The following DPYD variants were observed in gnomAD, a reference collection of about 807,000 sequenced individuals.
DPYD encodes dihydropyrimidine dehydrogenase.
Under a neutral mutation model 116.2 loss-of-function variants are expected in DPYD, and 109 were observed. That is an observed-to-expected ratio of 0.94 (90% CI 0.80 to 1.10). The LOEUF is 1.10. Ranked by LOEUF, DPYD falls within the 50% of genes least tolerant of loss-of-function variation. The probability of loss-of-function intolerance (pLI) is 0.00; values close to 1 mark genes in which losing one functional copy is unlikely to be tolerated. For synonymous variants in DPYD, 440 were observed against 432.0 expected, an observed-to-expected ratio of 1.02 and a Z score of -0.23; for missense variants, 1,302 against 1,254.5, an observed-to-expected ratio of 1.04 and a Z score of -0.57.
At chr1:97,200,897 A>G (rs779842904) in intron 19 of DPYD, among the ~76,000 whole-genome samples, 1 of 152,146 alleles carries the variant, frequency 6.6e-6, no homozygotes, top group Non-Finnish European at 1.5e-5. Context: ...ATCGTACAGC[A>G]GTTCTAAGAG....
chr1:97,401,605 C>T (rs956583096), intron 14 of DPYD, among the ~76,000 whole-genome samples: 10 of 152,176 alleles, frequency 6.6e-5, no homozygotes, highest in Middle Eastern at 3.4e-3. Flanking sequence ...TGAGCCACTG[C>T]GCCCAGCCAG....
intron 12 of DPYD, among the ~76,000 whole-genome samples, chr1:97,538,042 G>T (rs1382879931): frequency 1.3e-5 from 2 of 150,886 alleles, no homozygotes; most frequent in Non-Finnish European, 2.9e-5. Flanking sequence ...ACTCCAGCCT[G>T]GGCAACAATA....
chr1:97,372,200 C>T (rs940360739), intron 16 of DPYD, among the ~76,000 whole-genome samples: 4 of 152,122 alleles, frequency 2.6e-5, no homozygotes, highest in African/African-American at 9.7e-5. Context: ...TTAAAACCTC[C>T]GTAGTTGTTT....
chr1:97,342,996 A>G (rs1438667205), intron 16 of DPYD, among the ~76,000 whole-genome samples: 1 of 150,236 alleles, frequency 6.7e-6, no homozygotes, highest in Non-Finnish European at 1.5e-5. Flanking sequence ...TCAGGAGAGG[A>G]AAAAAAAACA....
chr1:97,722,986 CTT>C (rs1338600862), intron 4 of DPYD, among the ~76,000 whole-genome samples: 1 of 151,204 alleles, frequency 6.6e-6, no homozygotes, highest in African/African-American at 2.4e-5. Flanking sequence ...GAATAAAAGA[CTT>C]TTAAAAATAA....
chr1:97,865,439 A>G (rs1195903710), intron 2 of DPYD, among the ~76,000 whole-genome samples: 1 of 151,956 alleles, frequency 6.6e-6, no homozygotes, highest in East Asian at 1.9e-4. Flanking sequence ...TGATTTATTC[A>G]ATACTGGGTA....
intron 1 of DPYD, among the ~76,000 whole-genome samples, chr1:97,896,940 G>A (rs1392844644): frequency 6.6e-6 from 1 of 151,768 alleles, no homozygotes; most frequent in African/African-American, 2.4e-5. Flanking sequence ...CTCTTAATGA[G>A]GTTTAAATAG....
chr1:97,549,082 T>C (rs900841828), intron 12 of DPYD, among the ~76,000 whole-genome samples: 6 of 152,094 alleles, frequency 3.9e-5, no homozygotes, highest in Admixed American at 2.0e-4. Flanking sequence ...TTTTTTTTTT[T>C]TGAGACAAGG....
At chr1:97,385,280 C>CAAAAAAA (rs567156406) in intron 14 of DPYD, among the ~76,000 whole-genome samples, 2 of 48,940 alleles carry the variant, frequency 4.1e-5, no homozygotes, top group African/African-American at 1.3e-4. Flanking sequence ...GCATTCCTTG[C>CAAAAAAA]AAAAAAAAAA....
Position 97,740,496 on chromosome 1 carries a change from C to G in DPYD, c.234-17G>C. The G allele has an allele frequency of 6.2e-7, 1 of 1,602,184 alleles. No homozygotes were observed. Among genetic ancestry groups the G allele is most frequent in the South Asian group, 1.1e-5 (1 of 90,878 alleles). ...TTCAGGCATCTAGGAAATAAAATAA[C>G]TATGTTAAGAAACTACAAGATAAGT... On this transcript the variant is annotated splice_polypyrimidine_tract_variant and intron_variant, in intron 3 of 22. Transcript: ENST00000370192.
intron 14 of DPYD, among the ~76,000 whole-genome samples, chr1:97,387,440 C>T (rs925554545): frequency 4.6e-5 from 7 of 152,066 alleles, no homozygotes; most frequent in African/African-American, 7.2e-5. Flanking sequence ...AGTCCCTGCC[C>T]TCCTGAAGCT....
chr1:97,706,400 A>C (rs1661958634), intron 5 of DPYD, among the ~76,000 whole-genome samples: 1 of 152,028 alleles, frequency 6.6e-6, no homozygotes, highest in African/African-American at 2.4e-5. Context: ...TACATTTATT[A>C]CAACTGGTGC....
At chr1:97,421,033 C>G (rs1291023127) in intron 14 of DPYD, among the ~76,000 whole-genome samples, 1 of 152,116 alleles carries the variant, frequency 6.6e-6, no homozygotes, top group Non-Finnish European at 1.5e-5. Context: ...TTATTCATTT[C>G]TCTCTTCAGT....
intron 3 of DPYD, among the ~76,000 whole-genome samples, chr1:97,767,582 C>T (rs1283253490): frequency 6.6e-6 from 1 of 152,044 alleles, no homozygotes; most frequent in Non-Finnish European, 1.5e-5. Flanking sequence ...GAAGAGTCCA[C>T]GTGATGGAGC....
intron 20 of DPYD, among the ~76,000 whole-genome samples, chr1:97,155,442 TA>T (rs1264820653): frequency 6.6e-6 from 1 of 152,112 alleles, no homozygotes; most frequent in East Asian, 1.9e-4. Context: ...CTCGAGTCAT[TA>T]AAAAAGAACT....
intron 20 of DPYD, among the ~76,000 whole-genome samples, chr1:97,156,432 C>T (rs899504941): frequency 1.3e-4 from 19 of 151,980 alleles, no homozygotes; most frequent in African/African-American, 4.4e-4. Flanking sequence ...AAAAAACAAA[C>T]AACCCCATCA....
intron 12 of DPYD, among the ~76,000 whole-genome samples, chr1:97,543,401 T>C (rs1650593981): frequency 6.6e-6 from 1 of 152,188 alleles, no homozygotes; most frequent in South Asian, 2.1e-4. Flanking sequence ...CTCAGAGAAA[T>C]TGCCTCCACT....
chr1:97,312,102 G>A (rs1667555792), intron 16 of DPYD, among the ~76,000 whole-genome samples: 1 of 151,652 alleles, frequency 6.6e-6, no homozygotes, highest in Non-Finnish European at 1.5e-5. Flanking sequence ...GTTTATAAAT[G>A]CATACATATA....
At chr1:97,236,338 AC>A (rs1221239182) in intron 18 of DPYD, among the ~76,000 whole-genome samples, 1 of 152,110 alleles carries the variant, frequency 6.6e-6, no homozygotes, top group Non-Finnish European at 1.5e-5. Flanking sequence ...TGGAGTGCTT[AC>A]TCTGAGGTAG....
Sources: gnomAD v4.1 joint callset for allele counts (sites outside exome capture counted in the v4.1 genomes callset) on GRCh38, gnomAD v4.1.1 for gene constraint, MANE v1.5 for transcripts, NCBI Gene and HGNC (gene_info 2026-07-23, HGNC 2026-07-21) for gene names.